Variants in SPECC1 observed in about 807,000 individuals in gnomAD.
SPECC1 encodes cytospin-B.
Under a neutral mutation model 104.1 loss-of-function variants are expected in SPECC1, and 62 were observed. The observed-to-expected ratio is 0.60, with a 90% CI of 0.49 to 0.74. SPECC1 has a LOEUF of 0.74. SPECC1 is among the 30% of genes least tolerant of loss of function. SPECC1 has a pLI of 0.00. For synonymous variants in SPECC1, 513 were observed against 501.6 expected, an observed-to-expected ratio of 1.02 and a Z score of -0.30; for missense variants, 1,306 against 1,310.5, an observed-to-expected ratio of 1.00 and a Z score of 0.05.
rs1173991430 is a variant in SPECC1, at chr17:20,205,891, T to C, written c.1842T>C (p.His614=). 1 of 1,611,458 alleles carries C rather than the reference T, an allele frequency of 6.2e-7. No homozygotes were observed. The highest frequency in any genetic ancestry group is 2.2e-5 in the East Asian group (1 of 44,878). The change falls in exon 4 of 15, where the codon CAT becomes CAC. Residue 614 remains histidine, a synonymous_variant. Coordinates refer to ENST00000395527, the MANE Select transcript of SPECC1 (RefSeq NM_001243439.2). ...ELLKANGEIK[H]VSSLLAKVEK... is the part of the protein sequence containing the mutation. ...TAAAGGCAAACGGTGAAATTAAACA[T>C]GTTTCCAGTCTGCTGGCCAAGGTGA...
intron 1 of SPECC1, among the ~76,000 whole-genome samples, chr17:20,019,783 C>T (rs2044299308): frequency 6.6e-6 from 1 of 152,192 alleles, no homozygotes; most frequent in Admixed American, 6.5e-5. Context: ...CACGGAGCCA[C>T]CCTGATCACC....
intron 1 of SPECC1, among the ~76,000 whole-genome samples, chr17:20,024,081 A>G (rs373780946): frequency 1.3e-5 from 2 of 152,224 alleles, no homozygotes; most frequent in African/African-American, 4.8e-5. Flanking sequence ...GTTTGCTATT[A>G]GGACATATGT....
At chr17:20,053,179 T>G (rs1164010404) in intron 1 of SPECC1, among the ~76,000 whole-genome samples, 1 of 152,214 alleles carries the variant, frequency 6.6e-6, no homozygotes, top group Non-Finnish European at 1.5e-5. Flanking sequence ...TTTCCTACTC[T>G]GACCTCTAAC....
chr17:20,045,430 T>C (rs765214479), intron 1 of SPECC1, among the ~76,000 whole-genome samples: 1 of 149,616 alleles, frequency 6.7e-6, no homozygotes, highest in Non-Finnish European at 1.5e-5. Context: ...TGGATTGATA[T>C]CTAAGAGTGG....
At chr17:20,211,616 G>A (rs905112533) in intron 4 of SPECC1, among the ~76,000 whole-genome samples, 29 of 152,342 alleles carry the variant, frequency 1.9e-4, no homozygotes, top group Non-Finnish European at 4.1e-4. Context: ...CATGTGGCCC[G>A]GAACTCATGG....
intron 3 of SPECC1, among the ~76,000 whole-genome samples, chr17:20,133,880 C>T (rs761480080): frequency 6.6e-6 from 1 of 152,186 alleles, no homozygotes; most frequent in Non-Finnish European, 1.5e-5. Context: ...TGGTACAACT[C>T]ACAAACCCTC....
At chr17:20,216,783 T>C (rs1197648450) in intron 4 of SPECC1, among the ~76,000 whole-genome samples, 1 of 152,140 alleles carries the variant, frequency 6.6e-6, no homozygotes, top group African/African-American at 2.4e-5. Flanking sequence ...ATGAGAGTGA[T>C]TCCTTTTTTC....
chr17:20,070,835 T>C (rs539975778), intron 1 of SPECC1, among the ~76,000 whole-genome samples: 9 of 152,132 alleles, frequency 5.9e-5, no homozygotes, highest in East Asian at 1.9e-4. Flanking sequence ...GGTTTTTTTT[T>C]CAGAGGTTTT....
intron 3 of SPECC1, among the ~76,000 whole-genome samples, chr17:20,162,675 G>A (rs2033274953): frequency 6.6e-6 from 1 of 152,082 alleles, no homozygotes; most frequent in South Asian, 2.1e-4. Flanking sequence ...TCATTCTCAG[G>A]TTAGTTCATT....
chr17:20,200,172 A>G (rs114969712), intron 3 of SPECC1, among the ~76,000 whole-genome samples: 462 of 152,276 alleles, frequency 3.0e-3, no homozygotes, highest in African/African-American at 0.01. Context: ...AATTTATTGC[A>G]CAGATGTAAT....
At chr17:20,140,214 T>C (rs778401066) in intron 3 of SPECC1, among the ~76,000 whole-genome samples, 1 of 152,228 alleles carries the variant, frequency 6.6e-6, no homozygotes, top group Non-Finnish European at 1.5e-5. Context: ...AACTGCACAT[T>C]TGTTCACTCA....
chr17:20,139,797 A>G (rs1187124535), intron 3 of SPECC1, among the ~76,000 whole-genome samples: 3 of 151,970 alleles, frequency 2.0e-5, no homozygotes, highest in Admixed American at 2.0e-4. Flanking sequence ...GCCTCAGCCT[A>G]CTGAGTAGCT....
chr17:20,281,344 A>G lies in SPECC1; in HGVS notation c.2941-15617A>G, dbSNP rs570007579. On this transcript the variant is annotated intron_variant, in intron 12 of 14. Coordinates refer to ENST00000395527, the MANE Select transcript of SPECC1 (RefSeq NM_001243439.2). Reference sequence around the variant, plus strand: ...CTGGGCTCCCAGAACTCCATGAGGAATCTTGCAGTGGCTCGCCCTTTCCTG... The same window carrying G: ...CTGGGCTCCCAGAACTCCATGAGGAGTCTTGCAGTGGCTCGCCCTTTCCTG... Among the ~76,000 whole-genome samples, 17 of 152,336 alleles carry G rather than the reference A, an allele frequency of 1.1e-4. No individual in the cohort carries two copies. In the South Asian group the frequency reaches 2.7e-3, roughly 24 times the overall value.
At position 20,239,093 on chromosome 17, in the gene SPECC1, G is replaced by A. The variant is rs938315394; in HGVS notation, c.2351+6688G>A. On this transcript the variant is annotated intron_variant, in intron 7 of 14. Coordinates refer to ENST00000395527, the MANE Select transcript of SPECC1 (RefSeq NM_001243439.2). Reference sequence around the variant, plus strand: ...AACAGTTTCATTAGTAGAACAAAAGGGCATGGAGTAAAAATGCTAATTTTG... The same window carrying A: ...AACAGTTTCATTAGTAGAACAAAAGAGCATGGAGTAAAAATGCTAATTTTG... The A allele has an allele frequency of 1.1e-5, 11 of 1,031,882 alleles. No homozygotes were observed. The African/African-American group carries it at 1.9e-4, about 18-fold the overall frequency. The allele number at this position is 1,031,882 out of a possible 1,614,324, so 63.9% of individuals were successfully genotyped here.
chr17:20,074,969 C>T (rs1488419041), intron 1 of SPECC1, among the ~76,000 whole-genome samples: 1 of 152,066 alleles, frequency 6.6e-6, no homozygotes, highest in African/African-American at 2.4e-5. Flanking sequence ...GTGTCTTGAT[C>T]TCGGCTTACT....
At chr17:20,012,386 C>G (rs544234075) in intron 1 of SPECC1, among the ~76,000 whole-genome samples, 3 of 151,700 alleles carry the variant, frequency 2.0e-5, no homozygotes, top group African/African-American at 7.2e-5. Flanking sequence ...GGTTTTTGTA[C>G]TATTTCTATG....
intron 1 of SPECC1, among the ~76,000 whole-genome samples, chr17:20,082,456 A>G (rs1009185293): frequency 6.6e-6 from 1 of 152,100 alleles, no homozygotes; most frequent in Non-Finnish European, 1.5e-5. Context: ...AAAATTAGCC[A>G]GGCGTGGTGG....
intron 3 of SPECC1, among the ~76,000 whole-genome samples, chr17:20,192,441 AT>A (rs2035738244): frequency 6.6e-6 from 1 of 152,050 alleles, no homozygotes; most frequent in Admixed American, 6.5e-5. Flanking sequence ...CTTATGATAG[AT>A]GAGGATTTAA....
In SPECC1 at chr17:20,040,269, A is replaced by G. The variant is rs138767006; in HGVS notation, c.-22+30845A>G. Among the ~76,000 whole-genome samples the G allele has an allele frequency of 2.6e-5, 4 of 152,258 alleles. 1 individual carries two copies. The highest frequency in any genetic ancestry group is 4.1e-4 in the South Asian group (2 of 4,820). ...CCACTTCAATGAGGTATAGAAACCT[A>G]TACTTTCCCCATTTATAATTCTCTG... On this transcript the variant is annotated intron_variant, in intron 1 of 14. Transcript: ENST00000395527.
Sources: allele counts gnomAD v4.1 joint callset (sites outside exome capture counted in the v4.1 genomes callset), GRCh38; gene constraint gnomAD v4.1.1; transcripts MANE v1.5; gene names NCBI Gene and HGNC (gene_info 2026-07-23, HGNC 2026-07-21).